The following GALNT8 variants were observed in gnomAD, a reference collection of about 807,000 sequenced individuals.
The protein encoded by GALNT8 is probable polypeptide N-acetylgalactosaminyltransferase 8.
GALNT8 carries 66 observed loss-of-function variants against 62.7 expected under a neutral mutation model. That is an observed-to-expected ratio of 1.05 (90% CI 0.86 to 1.29). The LOEUF (loss-of-function observed/expected upper bound fraction) is 1.29, where lower values mean the gene tolerates loss of function less well. Ranked by LOEUF, GALNT8 falls within the 50% of genes most tolerant of loss-of-function variation. The probability of loss-of-function intolerance (pLI) is 0.00; values close to 1 mark genes in which losing one functional copy is unlikely to be tolerated. For missense variants in GALNT8, 771 were observed against 791.8 expected (o/e 0.97, Z 0.32); for synonymous variants, 288 against 294.3 (o/e 0.98, Z 0.22).
At chr12:4,727,660 G>T (rs1946202512) in intron 2 of GALNT8, among the ~76,000 whole-genome samples, 2 of 152,122 alleles carry the variant, frequency 1.3e-5, no homozygotes, top group South Asian at 4.1e-4. Context: ...GTGTTTTCAA[G>T]TATCATTCAC....
chr12:4,763,659 A>G (rs111554769), intron 8 of GALNT8, among the ~76,000 whole-genome samples: 9 of 112,772 alleles, frequency 8.0e-5, no homozygotes, highest in African/African-American at 2.8e-4. Context: ...CAGCAGCTGC[A>G]GCGATTGGCC....
intron 2 of GALNT8, among the ~76,000 whole-genome samples, chr12:4,727,158 G>A (rs1363182259): frequency 6.6e-6 from 1 of 152,114 alleles, no homozygotes; most frequent in Non-Finnish European, 1.5e-5. Context: ...ACTTGCGCAA[G>A]TCACACCAAA....
Position 4,761,118 on chromosome 12 carries a change from A to G in GALNT8, c.1334A>G (p.Tyr445Cys), listed in dbSNP as rs771590048. The change falls in exon 7 of 11, where the codon TAC becomes TGC. Residue 445 changes from tyrosine to cysteine, a missense_variant. Coordinates refer to ENST00000252318, the MANE Select transcript of GALNT8 (RefSeq NM_017417.2). The part of the protein sequence containing the change: ...IWMDEHKHMV[Y>C]LAWNIPLQNS... ...ATGGATGAGCACAAACACATGGTCTACTTGGCCTGGAACATACCTCTCCAG... is the reference window on the plus strand; with the variant it reads ...ATGGATGAGCACAAACACATGGTCTGCTTGGCCTGGAACATACCTCTCCAG... 32 of 1,613,986 alleles carry G rather than the reference A, an allele frequency of 2.0e-5. No homozygotes were observed. The highest frequency in any genetic ancestry group is 2.4e-5 in the Non-Finnish European group (28 of 1,179,992).
rs1200615195 is a variant in GALNT8, at chr12:4,760,950, T to G, written c.1174-8T>G. 1 of 1,612,730 alleles carries G rather than the reference T, an allele frequency of 6.2e-7. No individual in the cohort carries two copies. Among genetic ancestry groups the G allele is most frequent in the African/African-American group, 1.3e-5 (1 of 74,864 alleles). The stretch of plus-strand genomic sequence containing the variant: ...AAGCACGGGTGATTTTTTGGTCTTC[T>G]TCTGCAGGTGTGGCAGTGTGGAGGG... On this transcript the variant is annotated splice_polypyrimidine_tract_variant and splice_region_variant and intron_variant, in intron 6 of 10. Transcript: ENST00000252318.
chr12:4,746,270 TC>T lies in GALNT8; in HGVS notation c.1173+15del. 7.1e-7 allele frequency: 1 copy of T among 1,401,126 alleles called. No individual in the cohort carries two copies. Among genetic ancestry groups the T allele is most frequent in the East Asian group, 2.3e-5 (1 of 43,922 alleles). The allele number at this position is 1,401,126 out of a possible 1,614,324, so 86.8% of individuals were successfully genotyped here. ...AGCTTAGCCTGAGGGTGGGTACATT[TC>T]CCTTTTCTTTATGGGACAAAGCAGA... On this transcript the variant is annotated intron_variant, in intron 6 of 10. Coordinates refer to ENST00000252318, the MANE Select transcript of GALNT8 (RefSeq NM_017417.2).
intron 9 of GALNT8, among the ~76,000 whole-genome samples, chr12:4,764,529 G>GTTT (rs1946389057): frequency 1.0e-5 from 1 of 99,756 alleles, no homozygotes; most frequent in Admixed American, 1.2e-4. Context: ...GCAGTCAGGG[G>GTTT]ATTTTTTTTT....
chr12:4,752,967 T>C (rs1946328814), intron 6 of GALNT8, among the ~76,000 whole-genome samples: 1 of 152,188 alleles, frequency 6.6e-6, no homozygotes, highest in South Asian at 2.1e-4. Flanking sequence ...TAAAAGTTTT[T>C]TCCTTCAACA....
intron 2 of GALNT8, among the ~76,000 whole-genome samples, chr12:4,734,709 A>G (rs563699565): frequency 8.3e-5 from 11 of 132,394 alleles, no homozygotes; most frequent in African/African-American, 2.4e-4. Context: ...CTTTGCTTAA[A>G]ACCCTTTAGT....
intron 2 of GALNT8, 111 bp from the exon 3 acceptor site, chr12:4,739,051 AG>A (rs1353391633): frequency 1.7e-6 from 1 of 577,570 alleles, no homozygotes; most frequent in Admixed American, 3.5e-5. Context: ...AGTGAGTTTG[AG>A]GGGTGGATGA....
chr12:4,752,584 C>A (rs777356065), intron 6 of GALNT8, among the ~76,000 whole-genome samples: 8 of 150,624 alleles, frequency 5.3e-5, no homozygotes, highest in Non-Finnish European at 1.0e-4. Context: ...TGTCCCCCCA[C>A]TTTTTAACTT....
chr12:4,766,274 G>A (rs1946399703), intron 10 of GALNT8, among the ~76,000 whole-genome samples: 1 of 152,142 alleles, frequency 6.6e-6, no homozygotes, highest in South Asian at 2.1e-4. Context: ...TTGAGAGTTT[G>A]GGCACAAGTC....
At chr12:4,762,771 G>A (rs777029623) in intron 7 of GALNT8, among the ~76,000 whole-genome samples, 31 of 152,254 alleles carry the variant, frequency 2.0e-4, no homozygotes, top group Admixed American at 3.3e-4. Flanking sequence ...GTGGAGTGAA[G>A]GAGCTGTTAA....
In GALNT8 at chr12:4,765,554, A is replaced by ATG. The variant is rs753344087; in HGVS notation, c.1761+12_1761+13dup. 1.9e-6 allele frequency: 3 copies of ATG among 1,595,952 alleles called. No individual in the cohort carries two copies. On this transcript the variant is annotated intron_variant, in intron 10 of 10. Transcript: ENST00000252318. ...TATTGGGATTTTAAACCGGTGAGTT[A>ATG]TGTGTTTTTGTTTGTTGGTTTGTTT...
intron 7 of GALNT8, 57 bp from the exon 8 acceptor site, chr12:4,763,196 G>C: frequency 1.3e-6 from 2 of 1,483,304 alleles, no homozygotes; most frequent in Non-Finnish European, 1.9e-6. Flanking sequence ...TATTTAGTTC[G>C]CTTTAACAGA....
At position 4,772,515 on chromosome 12, in the gene GALNT8, T is replaced by A; in HGVS notation, c.1832T>A (p.Val611Glu). The change falls in exon 11 of 11, where the codon GTG becomes GAG. Residue 611 changes from valine (V) to glutamate (E), a missense_variant. By Grantham distance (121) the Val-to-Glu change is moderately radical. Coordinates refer to ENST00000252318, the MANE Select transcript of GALNT8 (RefSeq NM_017417.2). ...AAGAAGGATCTTTTGGGTAGCCACG[T>A]GCTTGTGCTCCAGACCTGTAGCACG... ...EMKKDLLGSH[V>E]LVLQTCSTQV... 6.2e-7 allele frequency: 1 copy of A among 1,613,848 alleles called. No homozygotes were observed. Among genetic ancestry groups the A allele is most frequent in the Non-Finnish European group, 8.5e-7 (1 of 1,179,726 alleles).
Position 4,741,011 on chromosome 12 carries a change from AAG to A in GALNT8, c.676+1687_676+1688del, listed in dbSNP as rs577840138. On this transcript the variant is annotated intron_variant, in intron 3 of 10. Transcript: ENST00000252318. ...TTTATTAATTTTGTGCAACAAATAA[AAG>A]AGAGTAGAATTAAGTTACAAAAACT... is the stretch of plus-strand genomic sequence containing the variant. Among the ~76,000 whole-genome samples the A allele has an allele frequency of 3.3e-5, 5 of 152,336 alleles. No individual in the cohort carries two copies. The East Asian group carries it at 9.6e-4, about 29-fold the overall frequency.
intron 10 of GALNT8, among the ~76,000 whole-genome samples, chr12:4,767,100 C>T (rs1278212942): frequency 6.6e-6 from 1 of 152,032 alleles, no homozygotes; most frequent in African/African-American, 2.4e-5. Flanking sequence ...GTATTATTCC[C>T]TCCCCTCCCG....
chr12:4,725,806 G>A (rs1307065720), intron 1 of GALNT8, among the ~76,000 whole-genome samples: 1 of 152,012 alleles, frequency 6.6e-6, no homozygotes, highest in East Asian at 1.9e-4. Flanking sequence ...CGCCCACCTC[G>A]GCCTCCCAAA....
chr12:4,765,703 G>C (rs527321206), intron 10 of GALNT8, among the ~76,000 whole-genome samples, 157 bp downstream of exon 10: 110 of 152,276 alleles, frequency 7.2e-4, no homozygotes, highest in African/African-American at 2.6e-3. Context: ...AGATCTGGAA[G>C]GCAGGACATC....
Sources: gnomAD v4.1 joint callset for allele counts (sites outside exome capture counted in the v4.1 genomes callset) on GRCh38, gnomAD v4.1.1 for gene constraint, MANE v1.5 for transcripts, NCBI Gene and HGNC (gene_info 2026-07-23, HGNC 2026-07-21) for gene names.